PPP3CA: variants seen among roughly 807,000 people sequenced by gnomAD.
PPP3CA encodes protein phosphatase 3 catalytic subunit alpha.
PPP3CA carries 14 observed loss-of-function variants against 66.5 expected under a neutral mutation model. The ratio of observed to expected loss-of-function variants is 0.21; its 90% CI spans 0.14 to 0.33. The LOEUF is 0.33. PPP3CA is among the 10% of genes least tolerant of loss of function. PPP3CA has a pLI of 1.00. For synonymous variants in PPP3CA, 232 were observed against 226.2 expected (o/e 1.03, Z -0.23); for missense variants, 317 against 639.5 (o/e 0.50, Z 5.44).
intron 7 of PPP3CA, among the ~76,000 whole-genome samples, chr4:101,081,945 G>T (rs1578428716): frequency 1.3e-5 from 2 of 152,076 alleles, no homozygotes; most frequent in Non-Finnish European, 2.9e-5. Flanking sequence ...CAAAAACAAA[G>T]AAACTGGATG....
chr4:101,129,246 G>C (rs1026212857), intron 2 of PPP3CA, among the ~76,000 whole-genome samples: 13 of 152,184 alleles, frequency 8.5e-5, no homozygotes, highest in African/African-American at 3.1e-4. Context: ...AGCAGCCCCA[G>C]TCAGGGGCTT....
At chr4:101,029,387 CAG>C (rs1726833870) in intron 12 of PPP3CA, among the ~76,000 whole-genome samples, 192 bp from the exon 13 acceptor site, 1 of 132,038 alleles carries the variant, frequency 7.6e-6, no homozygotes, top group Admixed American at 7.5e-5. Context: ...AAAAATGCCA[CAG>C]AAATTATAAA....
chr4:101,310,729 C>A (rs1446633483), intron 1 of PPP3CA, among the ~76,000 whole-genome samples: 2 of 152,080 alleles, frequency 1.3e-5, no homozygotes, highest in African/African-American at 4.8e-5. Flanking sequence ...AAAAGTGAAA[C>A]TACTGAAATC....
At chr4:101,083,879 A>T (rs1305297310) in intron 6 of PPP3CA, among the ~76,000 whole-genome samples, 1 of 152,220 alleles carries the variant, frequency 6.6e-6, no homozygotes, top group Admixed American at 6.5e-5. Context: ...GATATTCACA[A>T]GGCTTTAGAA....
rs75479273 is a variant in PPP3CA, at chr4:101,078,389, C to T, written c.955+2143G>A. On this transcript the variant is annotated intron_variant, in intron 8 of 13. Coordinates refer to ENST00000394854, the MANE Select transcript of PPP3CA (RefSeq NM_000944.5). ...TTACTGCTTTAAAAATATTCATTGG[C>T]CCTGATACTATTTATTTCTCTTTCT... 3.9e-3 allele frequency among the ~76,000 whole-genome samples: 596 copies of T among 152,192 alleles called. 2 individuals are homozygous for T. Among genetic ancestry groups the T allele is most frequent in the Non-Finnish European group, 6.7e-3 (458 of 67,982 alleles).
chr4:101,316,140 A>T (rs1417459999), intron 1 of PPP3CA, among the ~76,000 whole-genome samples: 1 of 151,872 alleles, frequency 6.6e-6, no homozygotes, highest in East Asian at 1.9e-4. Flanking sequence ...GGAATCTACA[A>T]AATGTAGGTT....
intron 1 of PPP3CA, among the ~76,000 whole-genome samples, chr4:101,332,862 C>T (rs1441853348): frequency 6.6e-6 from 1 of 152,130 alleles, no homozygotes; most frequent in African/African-American, 2.4e-5. Context: ...TAGCTGTAAA[C>T]CAATGCTCTT....
chr4:101,132,238 G>A (rs1722467024), intron 2 of PPP3CA, among the ~76,000 whole-genome samples: 1 of 151,962 alleles, frequency 6.6e-6, no homozygotes, highest in South Asian at 2.1e-4. Context: ...CAGAAGACAA[G>A]AAATAACTAA....
At chr4:101,164,770 A>G (rs1022689354) in intron 2 of PPP3CA, among the ~76,000 whole-genome samples, 3 of 152,064 alleles carry the variant, frequency 2.0e-5, no homozygotes, top group African/African-American at 4.8e-5. Flanking sequence ...TAATGTCAGT[A>G]TGTTCTTTTG....
chr4:101,120,165 T>G (rs1721981900), intron 2 of PPP3CA, among the ~76,000 whole-genome samples: 1 of 152,110 alleles, frequency 6.6e-6, no homozygotes, highest in South Asian at 2.1e-4. Context: ...TTTCACTAGG[T>G]AGATATTCCA....
intron 8 of PPP3CA, among the ~76,000 whole-genome samples, chr4:101,073,691 G>A (rs1021015969): frequency 6.6e-6 from 1 of 151,984 alleles, no homozygotes; most frequent in Admixed American, 6.6e-5. Flanking sequence ...TAATCATTAA[G>A]AATAAATTAT....
At chr4:101,346,691 G>A in intron 1 of PPP3CA, 48 bp downstream of exon 1, 1 of 1,544,404 alleles carries the variant, frequency 6.5e-7, no homozygotes, top group Non-Finnish European at 8.9e-7. Flanking sequence ...AGCTGCCCTG[G>A]CGCCTGCGGC....
intron 2 of PPP3CA, among the ~76,000 whole-genome samples, chr4:101,174,461 C>T (rs1187927866): frequency 1.3e-5 from 2 of 152,088 alleles, no homozygotes; most frequent in Non-Finnish European, 2.9e-5. Context: ...TTCTTATAAT[C>T]TGGCTTAAAT....
At chr4:101,039,208 C>T (rs1309358185) in intron 11 of PPP3CA, among the ~76,000 whole-genome samples, 1 of 144,440 alleles carries the variant, frequency 6.9e-6, no homozygotes, top group African/African-American at 2.5e-5. Context: ...TTGTCTTTGC[C>T]TTGAACTCCC....
intron 2 of PPP3CA, among the ~76,000 whole-genome samples, chr4:101,123,430 G>A (rs542159099): frequency 2.6e-5 from 4 of 152,148 alleles, no homozygotes; most frequent in African/African-American, 9.7e-5. Flanking sequence ...GGACATGAAA[G>A]GGAATGTTGC....
In PPP3CA at chr4:101,347,321, C is replaced by T. The variant is rs1329920373; in HGVS notation, c.-525G>A. 1 of 201,858 alleles carries T rather than the reference C, an allele frequency of 5.0e-6. No individual in the cohort carries two copies. The highest frequency in any genetic ancestry group is 9.8e-6 in the Non-Finnish European group (1 of 101,950). 12.5% of individuals were successfully genotyped at this position (201,858 alleles called of 1,614,324 possible). A position where few individuals can be genotyped will look rare whatever the true frequency, so the allele number is the denominator to read the frequency against. On this transcript the variant is annotated 5_prime_UTR_variant, in exon 1 of 14. Coordinates refer to ENST00000394854, the MANE Select transcript of PPP3CA (RefSeq NM_000944.5). ...TCCCCGGCGGCGGAGAGGCGGCCGCCGCTGCTGCCGCTGCTGCTGCCGCTG... is the reference window on the plus strand; with the variant it reads ...TCCCCGGCGGCGGAGAGGCGGCCGCTGCTGCTGCCGCTGCTGCTGCCGCTG...
At chr4:101,208,819 A>G (rs1383888530) in intron 1 of PPP3CA, among the ~76,000 whole-genome samples, 1 of 152,202 alleles carries the variant, frequency 6.6e-6, no homozygotes, top group Non-Finnish European at 1.5e-5. Context: ...GAAGGTTCTC[A>G]TTCCCAAAAG....
chr4:101,138,647 C>T (rs948591183), intron 2 of PPP3CA, among the ~76,000 whole-genome samples: 1 of 152,206 alleles, frequency 6.6e-6, no homozygotes, highest in East Asian at 1.9e-4. Context: ...GAATTTGGAG[C>T]CTTTTGGAAT....
intron 10 of PPP3CA, among the ~76,000 whole-genome samples, chr4:101,057,221 T>C (rs1417957544): frequency 6.8e-6 from 1 of 147,022 alleles, no homozygotes; most frequent in East Asian, 1.9e-4. Flanking sequence ...TGCCCACCTA[T>C]TTTTTTTGTA....
Sources: allele counts gnomAD v4.1 joint callset (sites outside exome capture counted in the v4.1 genomes callset), GRCh38; gene constraint gnomAD v4.1.1; transcripts MANE v1.5; gene names NCBI Gene and HGNC (gene_info 2026-07-23, HGNC 2026-07-21).